The following TTC7A variants were observed in gnomAD, a reference collection of about 807,000 sequenced individuals.
TTC7A encodes the protein tetratricopeptide repeat protein 7A.
A neutral mutation model predicts 103.7 loss-of-function variants in TTC7A; 110 were observed. That is an observed-to-expected ratio of 1.06 (90% confidence interval 0.91 to 1.24). TTC7A has a LOEUF of 1.24. TTC7A is among the 50% of genes most tolerant of loss of function. The probability of loss-of-function intolerance (pLI) is 0.00; values close to 1 mark genes in which losing one functional copy is unlikely to be tolerated. For missense variants in TTC7A, 1,340 were observed against 1,116.3 expected (o/e 1.20, Z -2.86); for synonymous variants, 521 against 467.9 (o/e 1.11, Z -1.47).
chr2:46,954,155 G>A (rs539192663), intron 2 of TTC7A, among the ~76,000 whole-genome samples: 3 of 152,270 alleles, frequency 2.0e-5, no homozygotes, highest in East Asian at 3.9e-4. Context: ...TAGTTCCCAC[G>A]TTAGTCTGTG....
chr2:47,004,127 C>T (rs867255230), intron 8 of TTC7A, among the ~76,000 whole-genome samples: 9 of 152,202 alleles, frequency 5.9e-5, no homozygotes, highest in African/African-American at 1.7e-4. Flanking sequence ...TCAGCCTTGC[C>T]GGGATTTCCG....
At chr2:47,002,155 G>T (rs1676886765) in intron 8 of TTC7A, among the ~76,000 whole-genome samples, 1 of 152,190 alleles carries the variant, frequency 6.6e-6, no homozygotes, top group African/African-American at 2.4e-5. Context: ...GCTACCCTAG[G>T]AGAACAGCCG....
chr2:47,050,077 C>T (rs750107680), intron 17 of TTC7A, 31 bp downstream of exon 17: 1 of 1,528,536 alleles, frequency 6.5e-7, no homozygotes, highest in Admixed American at 1.7e-5. Flanking sequence ...CCACTGTGTG[C>T]ATGGACCCAC....
chr2:47,035,849 C>A (rs1436691022), intron 15 of TTC7A, among the ~76,000 whole-genome samples: 1 of 152,168 alleles, frequency 6.6e-6, no homozygotes, highest in African/African-American at 2.4e-5. Context: ...CCTGTGTCCA[C>A]AAAGCAGAGC....
chr2:47,029,445 C>G, intron 15 of TTC7A, 61 bp downstream of exon 15: 1 of 1,572,970 alleles, frequency 6.4e-7, no homozygotes, highest in Non-Finnish European at 8.7e-7. Flanking sequence ...AGCAGGCGCC[C>G]ATGCACACCT....
chr2:46,971,978 G>A (rs564934942), intron 3 of TTC7A, among the ~76,000 whole-genome samples: 2 of 151,834 alleles, frequency 1.3e-5, no homozygotes, highest in South Asian at 4.2e-4. Context: ...GAGGGAGGCA[G>A]GGAGGGAGGG....
intron 8 of TTC7A, among the ~76,000 whole-genome samples, chr2:46,996,143 G>A (rs1158816421): frequency 1.3e-5 from 2 of 152,234 alleles, no homozygotes; most frequent in Non-Finnish European, 2.9e-5. Flanking sequence ...GCAAAGGAGA[G>A]TGCACTGTGG....
intron 5 of TTC7A, among the ~76,000 whole-genome samples, chr2:46,980,797 A>G (rs1572800784): frequency 6.6e-6 from 1 of 152,220 alleles, no homozygotes; most frequent in East Asian, 1.9e-4. Context: ...ACTGGCTACA[A>G]ATCAGGTTCC....
chr2:47,021,489 C>T (rs1247290733), intron 11 of TTC7A, among the ~76,000 whole-genome samples: 2 of 152,232 alleles, frequency 1.3e-5, no homozygotes, highest in Non-Finnish European at 2.9e-5. Flanking sequence ...GCCAGAGTGG[C>T]TGCCTGCCTG....
intron 8 of TTC7A, 66 bp from the exon 9 acceptor site, chr2:47,005,856 C>G: frequency 6.3e-7 from 1 of 1,581,662 alleles, no homozygotes; most frequent in Non-Finnish European, 8.6e-7. Context: ...AGGTGGGGGC[C>G]CTGCGAAGAC....
At chr2:46,956,617 A>G (rs1234147464) in intron 2 of TTC7A, 8 of 571,156 alleles carry the variant, frequency 1.4e-5, no homozygotes, top group Non-Finnish European at 2.2e-5. Context: ...TGAAACAATT[A>G]GGGACTCATA....
At chr2:47,029,468 T>C in intron 15 of TTC7A, 84 bp downstream of exon 15, 1 of 1,498,688 alleles carries the variant, frequency 6.7e-7, no homozygotes, top group Non-Finnish European at 9.2e-7. Context: ...CCTGCCATGG[T>C]GTCAGCCAAC....
At chr2:46,996,834 C>T (rs1676242509) in intron 8 of TTC7A, among the ~76,000 whole-genome samples, 1 of 152,148 alleles carries the variant, frequency 6.6e-6, no homozygotes, top group Non-Finnish European at 1.5e-5. Context: ...AGACTGAATC[C>T]TAGTTTTGAA....
At chr2:47,056,192 A>G (rs951670049) in intron 18 of TTC7A, among the ~76,000 whole-genome samples, 5 of 150,388 alleles carry the variant, frequency 3.3e-5, no homozygotes, top group African/African-American at 1.2e-4. Flanking sequence ...CTTGATCTTC[A>G]CTCTCCTTCC....
At chr2:47,063,250 G>A (rs1479025089) in intron 19 of TTC7A, among the ~76,000 whole-genome samples, 1 of 152,072 alleles carries the variant, frequency 6.6e-6, no homozygotes. Flanking sequence ...AATAATCCTC[G>A]TTCCTGGGCC....
At chr2:46,935,876 G>A (rs1363692076) in intron 2 of TTC7A, among the ~76,000 whole-genome samples, 1 of 152,054 alleles carries the variant, frequency 6.6e-6, no homozygotes, top group Non-Finnish European at 1.5e-5. Context: ...GATTGCTAGT[G>A]GCCAGGAGTT....
intron 3 of TTC7A, among the ~76,000 whole-genome samples, chr2:46,964,898 G>A (rs1417417455): frequency 1.3e-5 from 2 of 152,112 alleles, no homozygotes; most frequent in African/African-American, 4.8e-5. Context: ...GGTTCACTGT[G>A]GCTCCATGGA....
chr2:46,996,043 G>A (rs17540184), intron 8 of TTC7A, among the ~76,000 whole-genome samples: 14,779 of 152,326 alleles, frequency 0.097, 827 homozygotes, highest in Admixed American at 0.14. Flanking sequence ...ACACAAGCAC[G>A]TGGATGCACG....
intron 8 of TTC7A, among the ~76,000 whole-genome samples, chr2:47,001,090 C>T (rs1016861397): frequency 3.3e-5 from 5 of 152,184 alleles, no homozygotes; most frequent in African/African-American, 1.2e-4. Flanking sequence ...TTAGTCTTCT[C>T]ATCTGTAAAA....
Sources: gnomAD v4.1 joint callset for allele counts (sites outside exome capture counted in the v4.1 genomes callset) on GRCh38, gnomAD v4.1.1 for gene constraint, MANE v1.5 for transcripts, NCBI Gene and HGNC (gene_info 2026-07-23, HGNC 2026-07-21) for gene names.